The following SLC4A10 variants were observed in gnomAD, a reference collection of about 807,000 sequenced individuals.
SLC4A10 encodes sodium-driven chloride bicarbonate exchanger.
In SLC4A10, 42 loss-of-function variants were observed where a neutral mutation model predicts 137.7. The ratio of observed to expected loss-of-function variants is 0.30; its 90% CI spans 0.24 to 0.39. The LOEUF is 0.39. SLC4A10 is among the 10% of genes least tolerant of loss of function. SLC4A10 has a pLI of 1.00. For missense variants in SLC4A10, 925 were observed against 1,355.0 expected (o/e 0.68, Z 4.98); for synonymous variants, 474 against 464.1 (o/e 1.02, Z -0.27).
chr2:161,729,751 A>G (rs2046639003), intron 1 of SLC4A10, among the ~76,000 whole-genome samples: 1 of 152,210 alleles, frequency 6.6e-6, no homozygotes, highest in African/African-American at 2.4e-5. Context: ...TGATGCAAAC[A>G]GGGAAAGGTT....
chr2:161,748,730 T>G (rs1173748633), intron 1 of SLC4A10, among the ~76,000 whole-genome samples: 1 of 152,092 alleles, frequency 6.6e-6, no homozygotes, highest in Non-Finnish European at 1.5e-5. Flanking sequence ...CCCAACTGTG[T>G]TTTTCTTTCT....
At chr2:161,744,698 A>C (rs1226988859) in intron 1 of SLC4A10, among the ~76,000 whole-genome samples, 1 of 152,176 alleles carries the variant, frequency 6.6e-6, no homozygotes, top group Non-Finnish European at 1.5e-5. Flanking sequence ...ACAAACAAAA[A>C]AAGGAAAAGC....
chr2:161,880,340 C>T (rs912988712), intron 9 of SLC4A10, among the ~76,000 whole-genome samples: 1 of 152,094 alleles, frequency 6.6e-6, no homozygotes, highest in African/African-American at 2.4e-5. Flanking sequence ...TTGGCCTTAA[C>T]TCAAAATATA....
intron 1 of SLC4A10, among the ~76,000 whole-genome samples, chr2:161,672,007 G>T (rs569908224): frequency 1.3e-5 from 2 of 152,126 alleles, no homozygotes; most frequent in African/African-American, 4.8e-5. Context: ...TGCACTTAAG[G>T]TGAGCTTTGA....
chr2:161,911,587 A>G (rs1355726913), intron 15 of SLC4A10, among the ~76,000 whole-genome samples: 1 of 152,098 alleles, frequency 6.6e-6, no homozygotes, highest in African/African-American at 2.4e-5. Flanking sequence ...GACTAGATTT[A>G]TCCAGAATTG....
chr2:161,904,016 A>C lies in SLC4A10; in HGVS notation c.1455A>C (p.Gly485=). 1 of 1,574,498 alleles carries C rather than the reference A, an allele frequency of 6.4e-7. No homozygotes were observed. Among genetic ancestry groups the C allele is most frequent in the Non-Finnish European group, 8.6e-7 (1 of 1,158,390 alleles). The change falls in exon 13 of 27, where the codon GGA becomes GGC. Residue 485 remains glycine, a synonymous_variant. Transcript: ENST00000446997. The stretch of plus-strand genomic sequence containing the variant: ...CCCCCTGTCTTAGGATTTTTGGGGG[A>C]CTTATTTTAGATATCAAAAGAAAAG... ...ELQRTGRIFG[G]LILDIKRKAP... is the part of the protein sequence containing the mutation.
chr2:161,665,129 C>T (rs1451957895), intron 1 of SLC4A10, among the ~76,000 whole-genome samples: 2 of 151,674 alleles, frequency 1.3e-5, no homozygotes, highest in Non-Finnish European at 1.5e-5. Flanking sequence ...AAAATAGTAG[C>T]GGCTTTTGAT....
At chr2:161,707,070 G>A (rs2043754367) in intron 1 of SLC4A10, among the ~76,000 whole-genome samples, 1 of 151,508 alleles carries the variant, frequency 6.6e-6, no homozygotes, top group South Asian at 2.1e-4. Flanking sequence ...AGGCTTTATT[G>A]AGAAGATAGG....
At chr2:161,819,438 T>A (rs931374423) in intron 3 of SLC4A10, among the ~76,000 whole-genome samples, 1 of 152,110 alleles carries the variant, frequency 6.6e-6, no homozygotes, top group Non-Finnish European at 1.5e-5. Flanking sequence ...AATGTGATGA[T>A]GTTTAATTAA....
rs541802476 is a variant in SLC4A10, at chr2:161,903,162, T to G, written c.1443-842T>G. ...AAAAAAAGATCTCAAATTTCAAGCA[T>G]AATTTCACAGTTTAATACTTTTCCC... On this transcript the variant is annotated intron_variant, in intron 12 of 26. Coordinates refer to ENST00000446997, the MANE Select transcript of SLC4A10 (RefSeq NM_001178015.2). Among the ~76,000 whole-genome samples the G allele has an allele frequency of 4.3e-3, 648 of 152,326 alleles. 2 individuals carry two copies. Among genetic ancestry groups the G allele is most frequent in the African/African-American group, 0.015 (621 of 41,572 alleles).
chr2:161,855,163 G>A (rs1188793451), intron 5 of SLC4A10, 33 bp downstream of exon 5: 2 of 1,555,228 alleles, frequency 1.3e-6, no homozygotes, highest in Admixed American at 2.0e-5. Context: ...TATTTTATAG[G>A]TACAGCTAAT....
chr2:161,853,432 GAC>G (rs2059933682), intron 4 of SLC4A10, among the ~76,000 whole-genome samples: 1 of 152,156 alleles, frequency 6.6e-6, no homozygotes, highest in Admixed American at 6.5e-5. Context: ...GTCTGAAAGT[GAC>G]ACACACATAA....
intron 1 of SLC4A10, among the ~76,000 whole-genome samples, chr2:161,633,835 T>G (rs1573998857): frequency 6.6e-6 from 1 of 151,874 alleles, no homozygotes; most frequent in African/African-American, 2.4e-5. Flanking sequence ...AATTAATACT[T>G]GATTTTTAGG....
At chr2:161,846,584 G>A (rs1408700994) in intron 4 of SLC4A10, among the ~76,000 whole-genome samples, 3 of 152,140 alleles carry the variant, frequency 2.0e-5, no homozygotes, top group Non-Finnish European at 1.5e-5. Flanking sequence ...TGTCCCCCAT[G>A]GGTGACTGAT....
chr2:161,868,199 A>T (rs1445929700), intron 6 of SLC4A10, among the ~76,000 whole-genome samples: 1 of 151,908 alleles, frequency 6.6e-6, no homozygotes, highest in Non-Finnish European at 1.5e-5. Context: ...TTAATATAAT[A>T]CTCAACAGGG....
At chr2:161,907,691 AG>A (rs1684782311) in intron 15 of SLC4A10, among the ~76,000 whole-genome samples, 2 of 152,228 alleles carry the variant, frequency 1.3e-5, no homozygotes, top group African/African-American at 4.8e-5. Flanking sequence ...GAAGTTAGGA[AG>A]GTGCTAAGGA....
intron 1 of SLC4A10, among the ~76,000 whole-genome samples, chr2:161,714,578 A>G (rs1207194477): frequency 2.0e-5 from 3 of 151,906 alleles, no homozygotes; most frequent in Admixed American, 2.0e-4. Context: ...GTAAATGTAT[A>G]TCATTATCCC....
chr2:161,878,487 A>G (rs1018529822), intron 8 of SLC4A10, among the ~76,000 whole-genome samples: 14 of 152,186 alleles, frequency 9.2e-5, no homozygotes, highest in Admixed American at 3.9e-4. Context: ...GATCACAAAC[A>G]TCTCATGTCA....
intron 5 of SLC4A10, among the ~76,000 whole-genome samples, chr2:161,857,190 A>G (rs901625828): frequency 7.9e-5 from 12 of 152,174 alleles, no homozygotes; most frequent in African/African-American, 2.7e-4. Context: ...CCCAAGCTCA[A>G]TTCTGTAGAA....
Sources: allele counts gnomAD v4.1 joint callset (sites outside exome capture counted in the v4.1 genomes callset), GRCh38; gene constraint gnomAD v4.1.1; transcripts MANE v1.5; gene names NCBI Gene and HGNC (gene_info 2026-07-23, HGNC 2026-07-21).